The following NMNAT2 variants were observed in gnomAD, a reference collection of about 807,000 sequenced individuals.
The protein encoded by NMNAT2 is nicotinamide nucleotide adenylyltransferase 2.
In NMNAT2, 11 loss-of-function variants were observed where a neutral mutation model predicts 41.6. The observed-to-expected ratio is 0.26, with a 90% CI of 0.17 to 0.44. The LOEUF is 0.44. NMNAT2 is among the 20% of genes least tolerant of loss of function. NMNAT2 has a pLI of 1.00. For missense variants in NMNAT2, 288 were observed against 407.7 expected (o/e 0.71, Z 2.53); for synonymous variants, 148 against 151.2 (o/e 0.98, Z 0.16).
In NMNAT2 at chr1:183,346,864, C is replaced by T. The variant is rs976211305; in HGVS notation, c.86-53071G>A. 4.6e-5 allele frequency among the ~76,000 whole-genome samples: 7 copies of T among 152,136 alleles called. No homozygotes were observed. In the South Asian group the frequency reaches 1.0e-3, roughly 23 times the overall value. Reference sequence around the variant, plus strand: ...TTTGACTTTTGACAGCCTGAACAGCCCTACACCCCATTTTTACCCCATTAT... The same window carrying T: ...TTTGACTTTTGACAGCCTGAACAGCTCTACACCCCATTTTTACCCCATTAT... On this transcript the variant is annotated intron_variant, in intron 1 of 10. Transcript: ENST00000287713.
intron 1 of NMNAT2, among the ~76,000 whole-genome samples, chr1:183,399,862 G>A (rs1648761967): frequency 6.6e-6 from 1 of 152,018 alleles, no homozygotes; most frequent in African/African-American, 2.4e-5. Flanking sequence ...AAATTCAACA[G>A]CCCTTCATGC....
intron 1 of NMNAT2, among the ~76,000 whole-genome samples, chr1:183,320,094 TGAA>T (rs1419838263): frequency 6.6e-6 from 1 of 152,072 alleles, no homozygotes; most frequent in Non-Finnish European, 1.5e-5. Flanking sequence ...GAGTTCCTGA[TGAA>T]GGAGAAATAA....
intron 1 of NMNAT2, among the ~76,000 whole-genome samples, chr1:183,376,983 C>A (rs915298164): frequency 6.6e-6 from 1 of 152,090 alleles, no homozygotes; most frequent in African/African-American, 2.4e-5. Context: ...AAGGAGAAAG[C>A]TCCCCTCTTG....
At chr1:183,318,952 A>C (rs1312101689) in intron 1 of NMNAT2, among the ~76,000 whole-genome samples, 2 of 152,220 alleles carry the variant, frequency 1.3e-5, no homozygotes, top group African/African-American at 4.8e-5. Flanking sequence ...ATAGATGAGA[A>C]GTTAAGGACT....
In NMNAT2 at chr1:183,389,750, A is replaced by AAGAG. The variant is rs1454590885; in HGVS notation, c.85+28432_85+28433insCTCT. Among the ~76,000 whole-genome samples, 55 of 12,564 alleles carry AAGAG rather than the reference A, an allele frequency of 4.4e-3. 3 individuals are homozygous for AAGAG. The highest frequency in any genetic ancestry group is 7.4e-3 in the Non-Finnish European group (46 of 6,194). The allele number at this position is 12,564 out of a possible 152,430, so 8.2% of individuals were successfully genotyped here. A position where few individuals can be genotyped will look rare whatever the true frequency, so the allele number is the denominator to read the frequency against. The stretch of plus-strand genomic sequence containing the variant: ...GACCCTGTCAAAAAAGAAAGAAAGA[A>AAGAG]AGAAAGAAAGAAAGAAAGAAAGAAA... On this transcript the variant is annotated intron_variant, in intron 1 of 10. Transcript: ENST00000287713.
chr1:183,355,947 G>C (rs774254364), intron 1 of NMNAT2, among the ~76,000 whole-genome samples: 1 of 152,166 alleles, frequency 6.6e-6, no homozygotes. Context: ...AGTGAACTCA[G>C]CACAGTCTTC....
At chr1:183,408,295 A>G (rs1270956397) in intron 1 of NMNAT2, among the ~76,000 whole-genome samples, 1 of 152,224 alleles carries the variant, frequency 6.6e-6, no homozygotes, top group Admixed American at 6.5e-5. Flanking sequence ...TCAGTGCAAA[A>G]ACATCCAGAG....
chr1:183,256,073 A>C (rs905382558), intron 10 of NMNAT2, among the ~76,000 whole-genome samples: 3 of 152,052 alleles, frequency 2.0e-5, no homozygotes, highest in African/African-American at 7.2e-5. Flanking sequence ...TTTTCTCCCC[A>C]TTGATTATAA....
At chr1:183,313,883 A>G (rs1662183847) in intron 1 of NMNAT2, among the ~76,000 whole-genome samples, 1 of 152,232 alleles carries the variant, frequency 6.6e-6, no homozygotes, top group African/African-American at 2.4e-5. Context: ...AGGCTGGAAG[A>G]AAGGTCTTGA....
chr1:183,408,073 G>C (rs1649009909), intron 1 of NMNAT2, among the ~76,000 whole-genome samples: 1 of 152,220 alleles, frequency 6.6e-6, no homozygotes, highest in Non-Finnish European at 1.5e-5. Flanking sequence ...TAGAGATTTA[G>C]TTTAGACTGA....
At chr1:183,399,555 A>G (rs1191206857) in intron 1 of NMNAT2, among the ~76,000 whole-genome samples, 14 of 152,214 alleles carry the variant, frequency 9.2e-5, no homozygotes, top group Non-Finnish European at 1.9e-4. Flanking sequence ...TCCCTAACTC[A>G]TTTTATGAGA....
intron 1 of NMNAT2, among the ~76,000 whole-genome samples, chr1:183,317,215 G>T (rs1251248167): frequency 6.6e-6 from 1 of 152,176 alleles, no homozygotes; most frequent in African/African-American, 2.4e-5. Context: ...CAGAAAGTAG[G>T]CTCAGTTTCA....
At chr1:183,390,084 C>A (rs1648430873) in intron 1 of NMNAT2, among the ~76,000 whole-genome samples, 1 of 151,954 alleles carries the variant, frequency 6.6e-6, no homozygotes, top group African/African-American at 2.4e-5. Flanking sequence ...CTACACAGGG[C>A]ATTAACTACA....
intron 1 of NMNAT2, among the ~76,000 whole-genome samples, chr1:183,395,340 T>C (rs1415332798): frequency 6.6e-6 from 1 of 151,358 alleles, no homozygotes; most frequent in Non-Finnish European, 1.5e-5. Flanking sequence ...TCAAGGGATT[T>C]AGAGTGGTAG....
chr1:183,315,456 G>A (rs897504280), intron 1 of NMNAT2, among the ~76,000 whole-genome samples: 3 of 150,028 alleles, frequency 2.0e-5, no homozygotes, highest in African/African-American at 4.9e-5. Context: ...CAAGTTGTGT[G>A]TGTGCGCTTG....
At chr1:183,348,166 G>A (rs896682017) in intron 1 of NMNAT2, among the ~76,000 whole-genome samples, 1 of 151,932 alleles carries the variant, frequency 6.6e-6, no homozygotes, top group African/African-American at 2.4e-5. Flanking sequence ...TTTTCAATTT[G>A]ACATGAATTT....
chr1:183,329,996 C>T (rs1306087732), intron 1 of NMNAT2, among the ~76,000 whole-genome samples: 1 of 152,150 alleles, frequency 6.6e-6, no homozygotes, highest in Non-Finnish European at 1.5e-5. Flanking sequence ...CCCGCAAAAC[C>T]GGGAGGCTGG....
intron 1 of NMNAT2, among the ~76,000 whole-genome samples, chr1:183,393,609 G>A (rs572103237): frequency 3.9e-5 from 6 of 152,252 alleles, no homozygotes; most frequent in East Asian, 1.9e-4. Context: ...TGGCTGGAGC[G>A]CAGTGGCATG....
At chr1:183,407,000 G>C (rs1337849758) in intron 1 of NMNAT2, among the ~76,000 whole-genome samples, 1 of 151,994 alleles carries the variant, frequency 6.6e-6, no homozygotes, top group Admixed American at 6.6e-5. Flanking sequence ...TGTATTTTTA[G>C]TAGAGATGGG....
Sources: gnomAD v4.1 joint callset for allele counts (sites outside exome capture counted in the v4.1 genomes callset) on GRCh38, gnomAD v4.1.1 for gene constraint, MANE v1.5 for transcripts, NCBI Gene and HGNC (gene_info 2026-07-23, HGNC 2026-07-21) for gene names.